Variants in EPB41L3 observed in about 807,000 individuals in gnomAD.
The protein encoded by EPB41L3 is band 4.1-like protein 3.
A neutral mutation model predicts 127.1 loss-of-function variants in EPB41L3; 57 were observed. The ratio of observed to expected loss-of-function variants is 0.45; its 90% CI spans 0.36 to 0.56. The LOEUF (loss-of-function observed/expected upper bound fraction) is 0.56. EPB41L3 is among the 20% of genes least tolerant of loss of function. The pLI is 0.00. For synonymous variants in EPB41L3, 572 were observed against 549.5 expected, an observed-to-expected ratio of 1.04 and a Z score of -0.57; for missense variants, 1,273 against 1,372.2, an observed-to-expected ratio of 0.93 and a Z score of 1.14.
At chr18:5,436,990 A>G (rs919510156) in intron 6 of EPB41L3, among the ~76,000 whole-genome samples, 3 of 152,200 alleles carry the variant, frequency 2.0e-5, no homozygotes, top group African/African-American at 7.2e-5. Flanking sequence ...GCTTACACAG[A>G]AAATTCTGCA....
intron 9 of EPB41L3, among the ~76,000 whole-genome samples, chr18:5,427,772 G>C (rs913973502): frequency 5.3e-5 from 8 of 151,630 alleles, no homozygotes; most frequent in African/African-American, 1.9e-4. Flanking sequence ...TTGAGACGGA[G>C]TCTCGCTCTG....
intron 3 of EPB41L3, among the ~76,000 whole-genome samples, chr18:5,477,293 G>A (rs1252297274): frequency 6.6e-6 from 1 of 152,186 alleles, no homozygotes; most frequent in Non-Finnish European, 1.5e-5. Flanking sequence ...ACACATGTGT[G>A]CACTGCCTGT....
rs569408156 is a variant in EPB41L3 at position 5,406,837 on chromosome 18, G to A, written c.2289C>T (p.Pro763=). The A allele has an allele frequency of 1.5e-5, 24 of 1,614,146 alleles. No homozygotes were observed. In the South Asian group the frequency reaches 1.8e-4, roughly 12 times the overall value. The change falls in exon 16 of 23, where the codon CCC becomes CCT. Residue 763 remains proline (P), a synonymous_variant. Transcript: ENST00000341928. ...NEWEKRLSTS[P]VRLAARQEDA... ...CCTCCTGCCTGGCGGCCAGTCGCACGGGGGAGGTGGAAAGCCTCTTCTCCC... is the reference window on the plus strand; with the variant it reads ...CCTCCTGCCTGGCGGCCAGTCGCACAGGGGAGGTGGAAAGCCTCTTCTCCC...
intron 22 of EPB41L3, chr18:5,394,288 A>G (rs2072943069): frequency 6.0e-6 from 1 of 165,310 alleles, no homozygotes. Flanking sequence ...TATTTGGAAC[A>G]CACAAATTGA....
intron 16 of EPB41L3, 164 bp from the exon 17 acceptor site, chr18:5,398,307 A>G: frequency 3.7e-6 from 3 of 805,598 alleles, no homozygotes; most frequent in Non-Finnish European, 5.9e-6. Flanking sequence ...GAAATAAAAT[A>G]GAAAACCAGG....
At chr18:5,587,033 C>T (rs1310460313) in intron 3 of EPB41L3, among the ~76,000 whole-genome samples, 1 of 152,056 alleles carries the variant, frequency 6.6e-6, no homozygotes, top group East Asian at 1.9e-4. Context: ...TTTTAGTTTG[C>T]CATGTTTACA....
At chr18:5,623,201 T>C (rs2094884918) in intron 1 of EPB41L3, among the ~76,000 whole-genome samples, 1 of 152,184 alleles carries the variant, frequency 6.6e-6, no homozygotes, top group African/African-American at 2.4e-5. Context: ...TGTGACCAAA[T>C]GTTTGCACAT....
chr18:5,543,737 G>A lies in EPB41L3; in HGVS notation c.-12+176C>T, dbSNP rs1272316745. Among the ~76,000 whole-genome samples, 3 of 147,774 alleles carry A rather than the reference G, an allele frequency of 2.0e-5. No individual in the cohort carries two copies. Among genetic ancestry groups the A allele is most frequent in the Admixed American group, 2.0e-4 (3 of 14,894 alleles). On this transcript the variant is annotated intron_variant, in intron 1 of 22. Coordinates refer to ENST00000341928, the MANE Select transcript of EPB41L3 (RefSeq NM_012307.5). The surrounding 1 kb of genome is among the most constrained non-coding windows in gnomAD (Gnocchi z 5.2). ...GGTCCCGGCGAGCGGGAGGGCGGTT[G>A]GGGACCCCGGCCGCGCCGGGCGCGG...
chr18:5,626,625 ACT>A (rs2094926213), intron 1 of EPB41L3, among the ~76,000 whole-genome samples: 2 of 152,296 alleles, frequency 1.3e-5, no homozygotes, highest in South Asian at 4.1e-4. Flanking sequence ...AACTCAGATA[ACT>A]CTGAAGTCAC....
chr18:5,430,348 C>G (rs2078821431), intron 8 of EPB41L3, among the ~76,000 whole-genome samples: 1 of 152,164 alleles, frequency 6.6e-6, no homozygotes, highest in Admixed American at 6.5e-5. Context: ...TTTGTAATCT[C>G]ACGGCCAGCG....
In EPB41L3 at chr18:5,464,104, C is replaced by T. The variant is rs1381375314; in HGVS notation, c.381+14137G>A. The stretch of plus-strand genomic sequence containing the variant: ...CTCAACACTTGCTCTCACATCTCTT[C>T]ATCTGCCCCAACAATGAAAGTGCTA... On this transcript the variant is annotated intron_variant, in intron 3 of 22. Transcript: ENST00000341928. 2.0e-5 allele frequency among the ~76,000 whole-genome samples: 3 copies of T among 152,298 alleles called. No homozygotes were observed. The East Asian group carries it at 5.8e-4, about 29-fold the overall frequency.
chr18:5,463,892 G>A (rs2084477671), intron 3 of EPB41L3: 1 of 152,178 alleles, frequency 6.6e-6, no homozygotes, highest in African/African-American at 2.4e-5. Flanking sequence ...GCTGTTTTAG[G>A]CCACTATGTT....
chr18:5,545,096 C>T (rs1175430428), upstream of EPB41L3, among the ~76,000 whole-genome samples: 2 of 152,172 alleles, frequency 1.3e-5, no homozygotes, highest in African/African-American at 4.8e-5. Context: ...CACCCCTCTA[C>T]TTGTGGCAAG....
chr18:5,628,360 GA>G (rs1342836971), intron 1 of EPB41L3, among the ~76,000 whole-genome samples: 1 of 152,234 alleles, frequency 6.6e-6, no homozygotes, highest in Non-Finnish European at 1.5e-5. Context: ...ACTTCAGAGG[GA>G]ATTACGAGGG....
chr18:5,608,264 G>GTGT (rs926932464), intron 3 of EPB41L3, among the ~76,000 whole-genome samples: 4 of 152,106 alleles, frequency 2.6e-5, no homozygotes, highest in Admixed American at 6.6e-5. Context: ...CACACCAGAT[G>GTGT]TGTTGTTGTT....
intron 3 of EPB41L3, among the ~76,000 whole-genome samples, chr18:5,453,093 C>T (rs923467356): frequency 7.9e-5 from 12 of 152,158 alleles, no homozygotes; most frequent in African/African-American, 2.7e-4. Context: ...TTAGTCTGTG[C>T]CCAAGACAAT....
intron 6 of EPB41L3, among the ~76,000 whole-genome samples, chr18:5,436,471 C>T (rs1226672447): frequency 1.7e-4 from 24 of 142,346 alleles, no homozygotes; most frequent in South Asian, 2.2e-4. Context: ...TGCAGTGGCG[C>T]GATCTCGGCT....
chr18:5,443,953 C>T, intron 4 of EPB41L3, 73 bp from the exon 5 acceptor site: 3 of 1,316,682 alleles, frequency 2.3e-6, no homozygotes, highest in Non-Finnish European at 3.2e-6. Context: ...TAGGTACAGA[C>T]TCTCCCTAAA....
At chr18:5,474,099 T>A (rs572826392) in intron 3 of EPB41L3, among the ~76,000 whole-genome samples, 2 of 151,454 alleles carry the variant, frequency 1.3e-5, no homozygotes, top group African/African-American at 4.8e-5. Context: ...GGCGTGGTGG[T>A]GGGCGCCTGT....
Sources: allele counts gnomAD v4.1 joint callset (sites outside exome capture counted in the v4.1 genomes callset), GRCh38; gene constraint gnomAD v4.1.1; non-coding constraint Gnocchi (gnomAD v3.1); transcripts MANE v1.5; gene names NCBI Gene and HGNC (gene_info 2026-07-23, HGNC 2026-07-21).